Variants in TGFB2 observed in about 807,000 individuals in gnomAD.
TGFB2 encodes the protein transforming growth factor beta-2 proprotein.
TGFB2 carries 13 observed loss-of-function variants against 42.7 expected under a neutral mutation model. The ratio of observed to expected loss-of-function variants is 0.30; its 90% confidence interval spans 0.20 to 0.48. TGFB2 has a LOEUF of 0.48. Among genes scored for constraint, TGFB2 ranks in the 20% least tolerant of loss-of-function variants. The pLI is 0.99. For missense variants in TGFB2, 390 were observed against 517.5 expected (o/e 0.75, Z 2.39); for synonymous variants, 193 against 193.6 (o/e 1.00, Z 0.03).
intron 1 of TGFB2, among the ~76,000 whole-genome samples, chr1:218,387,424 G>C (rs994079109): frequency 1.3e-5 from 2 of 152,170 alleles, no homozygotes; most frequent in African/African-American, 2.4e-5. Flanking sequence ...AAGTAGGCTT[G>C]CTTGGTACCA....
chr1:218,444,551 C>T lies in TGFB2; in HGVS notation c.*3189C>T, dbSNP rs1297749041. 1 of 152,112 alleles carries T rather than the reference C, an allele frequency of 6.6e-6. No homozygotes were observed. Among genetic ancestry groups the T allele is most frequent in the East Asian group, 1.9e-4 (1 of 5,172 alleles). 9.4% of individuals were successfully genotyped at this position (152,112 alleles called of 1,614,324 possible). A position where few individuals can be genotyped will look rare whatever the true frequency, so the allele number is the denominator to read the frequency against. The stretch of plus-strand genomic sequence containing the variant: ...ATTTTTTTGGCTGCTACCTACAAGA[C>T]CAGACTCCTCAAACGAGTTGCCAAT... On this transcript the variant is annotated 3_prime_UTR_variant, in exon 7 of 7. Transcript: ENST00000366930.
intron 1 of TGFB2, among the ~76,000 whole-genome samples, chr1:218,373,972 A>T (rs1657658259): frequency 6.6e-6 from 1 of 152,252 alleles, no homozygotes; most frequent in South Asian, 2.1e-4. Context: ...AGCTTAGCTC[A>T]TGCATGCTCT....
Position 218,345,345 on chromosome 1 carries a change from T to G in TGFB2, c.-1357T>G, listed in dbSNP as rs1448414735. 3 of 152,298 alleles carry G rather than the reference T, an allele frequency of 2.0e-5. No individual in the cohort carries two copies. Among genetic ancestry groups the G allele is most frequent in the Non-Finnish European group, 4.4e-5 (3 of 68,090 alleles). The allele number at this position is 152,298 out of a possible 1,614,324, so 9.4% of individuals were successfully genotyped here. On this transcript the variant is annotated 5_prime_UTR_variant, in exon 1 of 7. Coordinates refer to ENST00000366930, the MANE Select transcript of TGFB2 (RefSeq NM_003238.6). ...TCCCCGGCAAGATCGTGATGTTATC[T>G]GCTGGCAGCAGAAGGTTCGCTCCGA...
intron 6 of TGFB2, 40 bp downstream of exon 6, chr1:218,437,536 A>G: frequency 6.5e-7 from 1 of 1,550,364 alleles, no homozygotes; most frequent in African/African-American, 1.4e-5. Context: ...TTCTTGGGTT[A>G]CCATGTGCAC....
chr1:218,405,083 G>A (rs1353002448), intron 1 of TGFB2, 86 bp from the exon 2 acceptor site: 1 of 1,413,520 alleles, frequency 7.1e-7, no homozygotes, highest in Middle Eastern at 1.8e-4. Flanking sequence ...TTCCCTTATG[G>A]TTTCTTGGGA....
intron 2 of TGFB2, among the ~76,000 whole-genome samples, chr1:218,410,184 TTGAGTCATTC>T (rs1659049567): frequency 6.6e-6 from 1 of 152,246 alleles, no homozygotes; most frequent in Non-Finnish European, 1.5e-5. Flanking sequence ...CCCAAGAGTT[TTGAGTCATTC>T]TGTCTCATAA....
intron 1 of TGFB2, among the ~76,000 whole-genome samples, chr1:218,347,432 G>T (rs1378427372): frequency 6.6e-6 from 1 of 152,102 alleles, no homozygotes; most frequent in Non-Finnish European, 1.5e-5. Context: ...TCTTTGCTCC[G>T]ATTGGCGTGG....
At chr1:218,372,851 G>A (rs2102556048) in intron 1 of TGFB2, among the ~76,000 whole-genome samples, 1 of 152,262 alleles carries the variant, frequency 6.6e-6, no homozygotes, top group Non-Finnish European at 1.5e-5. Context: ...TGACTCCGTT[G>A]GTCTGGAGTG....
At chr1:218,391,949 A>G (rs1446731541) in intron 1 of TGFB2, among the ~76,000 whole-genome samples, 1 of 152,270 alleles carries the variant, frequency 6.6e-6, no homozygotes, top group South Asian at 2.1e-4. Context: ...GTAGAGAACA[A>G]CTAGAACAAG....
chr1:218,423,388 T>C (rs1400616587), intron 2 of TGFB2, among the ~76,000 whole-genome samples: 1 of 152,154 alleles, frequency 6.6e-6, no homozygotes, highest in Non-Finnish European at 1.5e-5. Flanking sequence ...GACCACATGC[T>C]CAGCAAATCC....
intron 1 of TGFB2, chr1:218,363,191 GC>G (rs1657275194): frequency 3.0e-6 from 2 of 663,734 alleles, no homozygotes; most frequent in Admixed American, 2.4e-5. Flanking sequence ...TAATCCCCTG[GC>G]CCCAGGTAGC....
intron 1 of TGFB2, among the ~76,000 whole-genome samples, chr1:218,364,378 G>A (rs1225757731): frequency 6.6e-6 from 1 of 152,158 alleles, no homozygotes; most frequent in Non-Finnish European, 1.5e-5. Flanking sequence ...GATTAATTCA[G>A]CCATTTATTG....
At chr1:218,423,211 A>G (rs1659512974) in intron 2 of TGFB2, among the ~76,000 whole-genome samples, 1 of 152,206 alleles carries the variant, frequency 6.6e-6, no homozygotes, top group African/African-American at 2.4e-5. Flanking sequence ...TCCAAAATTA[A>G]TCAATGAATA....
Position 218,346,149 on chromosome 1 carries a change from G to T in TGFB2, c.-553G>T. On this transcript the variant is annotated 5_prime_UTR_variant, in exon 1 of 7. Coordinates refer to ENST00000366930, the MANE Select transcript of TGFB2 (RefSeq NM_003238.6). This position sits in a 1 kb window ranked among gnomAD's most constrained non-coding sequence, Gnocchi z 4.9. Reference sequence around the variant, plus strand: ...TGCTCCTGCTCTCAGCGCCGCAGTGGAAGGCAGGACCGAACCGCTCCTTCT... The same window carrying T: ...TGCTCCTGCTCTCAGCGCCGCAGTGTAAGGCAGGACCGAACCGCTCCTTCT... The T allele has an allele frequency of 6.4e-6, 1 of 155,608 alleles. No homozygotes were observed. 9.6% of individuals were successfully genotyped at this position (155,608 alleles called of 1,614,324 possible).
intron 1 of TGFB2, among the ~76,000 whole-genome samples, chr1:218,364,432 G>A (rs1657319073): frequency 6.6e-6 from 1 of 152,190 alleles, no homozygotes; most frequent in African/African-American, 2.4e-5. Context: ...ACAAAGAATA[G>A]AGCTTGGGTG....
chr1:218,350,355 G>A (rs1372890403), intron 1 of TGFB2, among the ~76,000 whole-genome samples: 1 of 152,114 alleles, frequency 6.6e-6, no homozygotes, highest in Non-Finnish European at 1.5e-5. Context: ...GAGACACTTT[G>A]GGTTGTCATG....
rs978931320 is a variant in TGFB2, at chr1:218,345,784, T to G, written c.-918T>G. The stretch of plus-strand genomic sequence containing the variant: ...CGACGGCTGATCGTCTGTGGCTGGG[T>G]TGGCGTTTGGAGCAAGAGAAGGAGG... On this transcript the variant is annotated 5_prime_UTR_variant, in exon 1 of 7. Transcript: ENST00000366930. 1 of 152,362 alleles carries G rather than the reference T, an allele frequency of 6.6e-6. No homozygotes were observed. The allele number at this position is 152,362 out of a possible 1,614,324, so 9.4% of individuals were successfully genotyped here.
intron 2 of TGFB2, among the ~76,000 whole-genome samples, chr1:218,422,249 G>C (rs750846330): frequency 6.7e-6 from 1 of 148,924 alleles, no homozygotes; most frequent in Admixed American, 6.7e-5. Context: ...ACAGAGTCTC[G>C]CTCTGTCACC....
At chr1:218,408,685 TTGAC>T (rs1405537335) in intron 2 of TGFB2, among the ~76,000 whole-genome samples, 2 of 152,032 alleles carry the variant, frequency 1.3e-5, no homozygotes, top group Admixed American at 6.6e-5. Flanking sequence ...TTCAACTAGT[TTGAC>T]TATCTGTAGG....
Sources: allele counts gnomAD v4.1 joint callset (sites outside exome capture counted in the v4.1 genomes callset), GRCh38; gene constraint gnomAD v4.1.1; non-coding constraint Gnocchi (gnomAD v3.1); transcripts MANE v1.5; gene names NCBI Gene and HGNC (gene_info 2026-07-23, HGNC 2026-07-21).